The following PACRG variants were observed in gnomAD, a reference collection of about 807,000 sequenced individuals.
PACRG encodes the protein parkin coregulated gene protein.
PACRG carries 29 observed loss-of-function variants against 29.7 expected under a neutral mutation model. The ratio of observed to expected loss-of-function variants is 0.98; its 90% confidence interval spans 0.73 to 1.33. The LOEUF (loss-of-function observed/expected upper bound fraction) is 1.33. PACRG is among the 40% of genes most tolerant of loss of function. PACRG has a pLI of 0.00. For missense variants in PACRG, 279 were observed against 316.2 expected (o/e 0.88, Z 0.89); for synonymous variants, 116 against 118.7 (o/e 0.98, Z 0.15).
At chr6:163,065,598 G>T (rs767843422) in intron 3 of PACRG, among the ~76,000 whole-genome samples, 2 of 152,148 alleles carry the variant, frequency 1.3e-5, no homozygotes, top group African/African-American at 4.8e-5. Flanking sequence ...ACACAGGGAA[G>T]GAAGTATTGT....
At chr6:163,228,303 G>A (rs887321508) in intron 4 of PACRG, among the ~76,000 whole-genome samples, 1 of 137,416 alleles carries the variant, frequency 7.3e-6, no homozygotes, top group African/African-American at 2.8e-5. Context: ...CCCAGAGGGT[G>A]TTCTTAATCT....
chr6:163,193,527 A>G (rs779706733), intron 4 of PACRG, among the ~76,000 whole-genome samples: 23 of 152,192 alleles, frequency 1.5e-4, no homozygotes, highest in Non-Finnish European at 3.2e-4. Flanking sequence ...GAGACTGACC[A>G]TTTTTAAGAA....
chr6:163,006,278 T>A (rs1033727449), intron 2 of PACRG, among the ~76,000 whole-genome samples: 1 of 148,722 alleles, frequency 6.7e-6, no homozygotes, highest in Non-Finnish European at 1.5e-5. Flanking sequence ...TGTGTAATAA[T>A]CACATCAGGG....
chr6:162,940,732 G>A (rs1278971830), intron 2 of PACRG, among the ~76,000 whole-genome samples: 2 of 152,092 alleles, frequency 1.3e-5, no homozygotes, highest in East Asian at 1.9e-4. Context: ...TTTCTGCTTC[G>A]GGTTTGATTT....
chr6:163,183,936 C>T (rs1239184014), intron 4 of PACRG, among the ~76,000 whole-genome samples: 1 of 152,192 alleles, frequency 6.6e-6, no homozygotes, highest in Non-Finnish European at 1.5e-5. Flanking sequence ...GATTCTTGTT[C>T]TGTAGGAAGC....
chr6:163,012,559 T>G (rs1439281103), intron 2 of PACRG, among the ~76,000 whole-genome samples: 1 of 152,248 alleles, frequency 6.6e-6, no homozygotes, highest in Non-Finnish European at 1.5e-5. Context: ...CGCATAGCCC[T>G]GGCAGGTGCT....
intron 4 of PACRG, among the ~76,000 whole-genome samples, chr6:163,099,299 C>A (rs999851512): frequency 6.6e-6 from 1 of 152,158 alleles, no homozygotes; most frequent in African/African-American, 2.4e-5. Context: ...GAGATTGCGA[C>A]CAATTCAGCT....
intron 2 of PACRG, among the ~76,000 whole-genome samples, chr6:163,031,093 C>T (rs184873542): frequency 1.0e-3 from 152 of 152,236 alleles, no homozygotes; most frequent in African/African-American, 3.5e-3. Context: ...ATCAGTATGG[C>T]AAGGGCCATT....
chr6:163,100,536 C>T (rs1815013678), intron 4 of PACRG, among the ~76,000 whole-genome samples: 1 of 152,178 alleles, frequency 6.6e-6, no homozygotes, highest in Non-Finnish European at 1.5e-5. Context: ...CCCCCCAGCG[C>T]GTGGCCAGTT....
chr6:162,774,868 AC>A (rs1485793931), intron 1 of PACRG, among the ~76,000 whole-genome samples: 1 of 152,118 alleles, frequency 6.6e-6, no homozygotes, highest in East Asian at 1.9e-4. Context: ...CATCTGCCCT[AC>A]CCGACTAGAA....
At chr6:163,149,148 G>T (rs146830006) in intron 4 of PACRG, among the ~76,000 whole-genome samples, 1 of 151,492 alleles carries the variant, frequency 6.6e-6, no homozygotes, top group Non-Finnish European at 1.5e-5. Flanking sequence ...GCCACCTCCC[G>T]CAGACCGAAC....
chr6:162,848,276 T>A (rs1790575456), intron 2 of PACRG, among the ~76,000 whole-genome samples: 3 of 152,186 alleles, frequency 2.0e-5, no homozygotes, highest in Admixed American at 6.5e-5. Context: ...CACAATGACT[T>A]CTTTACCTTT....
intron 2 of PACRG, among the ~76,000 whole-genome samples, chr6:162,930,790 A>G (rs906997373): frequency 6.6e-6 from 1 of 151,796 alleles, no homozygotes; most frequent in African/African-American, 2.4e-5. Context: ...GAAAGTTTTT[A>G]TCATAAAGGA....
intron 2 of PACRG, among the ~76,000 whole-genome samples, chr6:162,875,599 A>T (rs1341731236): frequency 6.6e-6 from 1 of 152,188 alleles, no homozygotes; most frequent in South Asian, 2.1e-4. Context: ...TTATTCTGTA[A>T]GTTTTTGTTT....
intron 2 of PACRG, among the ~76,000 whole-genome samples, chr6:162,874,190 G>T (rs1793088090): frequency 6.7e-6 from 1 of 148,304 alleles, no homozygotes; most frequent in Admixed American, 6.8e-5. Flanking sequence ...TCAGATGAAG[G>T]CTAGGGTATC....
intron 4 of PACRG, among the ~76,000 whole-genome samples, chr6:163,223,267 G>A (rs951257401): frequency 1.3e-5 from 2 of 152,150 alleles, no homozygotes; most frequent in African/African-American, 2.4e-5. Context: ...GGTGGCAGGT[G>A]CCTGTAATCC....
chr6:162,781,137 A>T (rs1432030744), intron 1 of PACRG, among the ~76,000 whole-genome samples: 3 of 152,032 alleles, frequency 2.0e-5, no homozygotes, highest in African/African-American at 4.8e-5. Flanking sequence ...ATCTTAACAG[A>T]CATAGAAAAA....
At chr6:162,788,132 T>C (rs953400063) in intron 1 of PACRG, among the ~76,000 whole-genome samples, 10 of 151,900 alleles carry the variant, frequency 6.6e-5, no homozygotes, top group African/African-American at 2.2e-4. Flanking sequence ...ACAGAGTTTT[T>C]TGAGTGCCAT....
chr6:162,870,486 C>T (rs761584537), intron 2 of PACRG, among the ~76,000 whole-genome samples: 3 of 152,092 alleles, frequency 2.0e-5, no homozygotes, highest in Non-Finnish European at 2.9e-5. Context: ...TGAGTAAGGT[C>T]TTTAGTGGTG....
Sources: allele counts gnomAD v4.1 joint callset (sites outside exome capture counted in the v4.1 genomes callset), GRCh38; gene constraint gnomAD v4.1.1; transcripts MANE v1.5; gene names NCBI Gene and HGNC (gene_info 2026-07-23, HGNC 2026-07-21).